Variants in ADD1 observed in about 807,000 individuals in gnomAD.
The protein encoded by ADD1 is adducin 1.
ADD1 carries 24 observed loss-of-function variants against 80.5 expected under a neutral mutation model. The observed-to-expected ratio is 0.30, with a 90% CI of 0.22 to 0.42. The LOEUF (loss-of-function observed/expected upper bound fraction) is 0.42. Among genes scored for constraint, ADD1 ranks in the 10% least tolerant of loss-of-function variants. The probability of loss-of-function intolerance (pLI) is 1.00; values close to 1 mark genes in which losing one functional copy is unlikely to be tolerated. For synonymous variants in ADD1, 373 were observed against 393.8 expected, an observed-to-expected ratio of 0.95 and a Z score of 0.63; for missense variants, 948 against 1,019.0, an observed-to-expected ratio of 0.93 and a Z score of 0.95.
chr4:2,919,730 C>A (rs1739679459), intron 14 of ADD1, among the ~76,000 whole-genome samples: 1 of 151,650 alleles, frequency 6.6e-6, no homozygotes, highest in Non-Finnish European at 1.5e-5. Flanking sequence ...TCTCTCTTTT[C>A]TTTTTTATTA....
chr4:2,929,728 CA>C lies in ADD1; in HGVS notation c.*1206del, dbSNP rs1712706033. Reference sequence around the variant, plus strand: ...GCCACCTCGGATCCCACTGATTGGCCAGCCGAGCGAGAACCAGGCTGCTGCA... The same window carrying C: ...GCCACCTCGGATCCCACTGATTGGCCGCCGAGCGAGAACCAGGCTGCTGCA... On this transcript the variant is annotated 3_prime_UTR_variant, in exon 16 of 16. Transcript: ENST00000683351. The C allele has an allele frequency of 6.6e-6, 1 of 152,394 alleles. No individual in the cohort carries two copies. The highest frequency in any genetic ancestry group is 2.1e-4 in the South Asian group (1 of 4,828). The allele number at this position is 152,394 out of a possible 1,614,324, so 9.4% of individuals were successfully genotyped here.
chr4:2,850,032 T>C (rs1726827903), intron 1 of ADD1, among the ~76,000 whole-genome samples: 1 of 152,238 alleles, frequency 6.6e-6, no homozygotes, highest in Non-Finnish European at 1.5e-5. Context: ...AGCAGCATTA[T>C]GTTTAACAGA....
Position 2,926,595 on chromosome 4 carries a change from G to C in ADD1, c.2047+483G>C. 1.2e-6 allele frequency: 2 copies of C among 1,608,852 alleles called. No homozygotes were observed. Among genetic ancestry groups the C allele is most frequent in the East Asian group, 2.2e-5 (1 of 44,772 alleles). On this transcript the variant is annotated intron_variant, in intron 15 of 15. Transcript: ENST00000683351. This position sits in a 1 kb window ranked among gnomAD's most constrained non-coding sequence, Gnocchi z 5.0. ...CCTGATGGCTGTGACTGAATGCATA[G>C]ATTCTCTCCTTGTGCTTTTTTCTCC...
At chr4:2,871,303 A>G (rs1186056254) in intron 1 of ADD1, among the ~76,000 whole-genome samples, 1 of 152,158 alleles carries the variant, frequency 6.6e-6, no homozygotes, top group East Asian at 1.9e-4. Context: ...GGCACATGCC[A>G]TCCAATTTAC....
Position 2,852,278 on chromosome 4 carries a change from C to CTTCTTTTCTT in ADD1, c.-21+8277_-21+8286dup, listed in dbSNP as rs58878174. Among the ~76,000 whole-genome samples the CTTCTTTTCTT allele has an allele frequency of 1.5e-4, 17 of 111,328 alleles. 1 individual carries two copies. Among genetic ancestry groups the CTTCTTTTCTT allele is most frequent in the African/African-American group, 5.6e-4 (16 of 28,578 alleles). 73.0% of individuals were successfully genotyped at this position (111,328 alleles called of 152,430 possible). The stretch of plus-strand genomic sequence containing the variant: ...CTTTCTTTCCTTCCTTCCTTCCTTC[C>CTTCTTTTCTT]TTCTTTTCTTTTCTTTTCTTTTCTT... On this transcript the variant is annotated intron_variant, in intron 1 of 15. Coordinates refer to ENST00000683351, the MANE Select transcript of ADD1 (RefSeq NM_001354761.2).
At chr4:2,872,274 A>G (rs777744408) in intron 1 of ADD1, among the ~76,000 whole-genome samples, 20 of 152,228 alleles carry the variant, frequency 1.3e-4, no homozygotes, top group East Asian at 9.6e-4. Flanking sequence ...AGCTATCAAT[A>G]TATTGTTGAT....
intron 1 of ADD1, chr4:2,844,809 A>G (rs1341616092): frequency 1.3e-5 from 2 of 152,282 alleles, no homozygotes; most frequent in Middle Eastern, 3.2e-3. Flanking sequence ...GACCAAAGAC[A>G]TAGCTGATAG....
intron 2 of ADD1, among the ~76,000 whole-genome samples, chr4:2,878,125 T>C (rs975678809): frequency 2.0e-5 from 3 of 152,192 alleles, no homozygotes; most frequent in Non-Finnish European, 4.4e-5. Context: ...GAGCAGATCC[T>C]GGAAGGCTGT....
chr4:2,926,001 T>C lies in ADD1; in HGVS notation c.1949-13T>C, dbSNP rs1477238851. Reference sequence around the variant, plus strand: ...TCCACAGCTCCTACCATATCCTTCTTGCTTCTCTGCAGAGAATCTGGACGA... The same window carrying C: ...TCCACAGCTCCTACCATATCCTTCTCGCTTCTCTGCAGAGAATCTGGACGA... On this transcript the variant is annotated splice_polypyrimidine_tract_variant and intron_variant, in intron 14 of 15. Coordinates refer to ENST00000683351, the MANE Select transcript of ADD1 (RefSeq NM_001354761.2). The surrounding 1 kb of genome is among the most constrained non-coding windows in gnomAD (Gnocchi z 5.0). 6.2e-7 allele frequency: 1 copy of C among 1,612,558 alleles called. No individual in the cohort carries two copies. Among genetic ancestry groups the C allele is most frequent in the Admixed American group, 1.7e-5 (1 of 59,976 alleles).
At position 2,844,182 on chromosome 4, in the gene ADD1, G is replaced by A. The variant is rs546510232; in HGVS notation, c.-21+158G>A. On this transcript the variant is annotated intron_variant, in intron 1 of 15. Coordinates refer to ENST00000683351, the MANE Select transcript of ADD1 (RefSeq NM_001354761.2). Reference sequence around the variant, plus strand: ...GGGAGGCCGCTGCGGCGCCGAGGGCGTCTTGGAGGGGTCCCCGCGGGGCCT... The same window carrying A: ...GGGAGGCCGCTGCGGCGCCGAGGGCATCTTGGAGGGGTCCCCGCGGGGCCT... The A allele has an allele frequency of 1.7e-3, 253 of 151,698 alleles. 1 individual carries two copies. Among genetic ancestry groups the A allele is most frequent in the African/African-American group, 5.5e-3 (226 of 41,388 alleles). 9.4% of individuals were successfully genotyped at this position (151,698 alleles called of 1,614,324 possible).
chr4:2,865,727 C>A (rs1204933866), intron 1 of ADD1, among the ~76,000 whole-genome samples: 3 of 152,134 alleles, frequency 2.0e-5, no homozygotes, highest in African/African-American at 7.2e-5. Flanking sequence ...CCTTACTTAG[C>A]AAACCACCCT....
chr4:2,847,771 C>T (rs183300349), intron 1 of ADD1, among the ~76,000 whole-genome samples: 37 of 152,078 alleles, frequency 2.4e-4, no homozygotes, highest in Non-Finnish European at 4.0e-4. Context: ...TCCAGAACGG[C>T]GGGGACAGCT....
At chr4:2,910,564 G>A (rs1737854747) in intron 13 of ADD1, among the ~76,000 whole-genome samples, 1 of 152,150 alleles carries the variant, frequency 6.6e-6, no homozygotes, top group Admixed American at 6.5e-5. Flanking sequence ...TCTCTCAGGT[G>A]TGTGAGGGCT....
intron 1 of ADD1, among the ~76,000 whole-genome samples, chr4:2,866,672 G>C (rs968816742): frequency 6.6e-6 from 1 of 152,158 alleles, no homozygotes; most frequent in African/African-American, 2.4e-5. Context: ...AGCTCTTCCC[G>C]TGTTTACATT....
intron 4 of ADD1, among the ~76,000 whole-genome samples, chr4:2,885,459 C>G (rs767370283): frequency 3.9e-4 from 60 of 152,192 alleles, no homozygotes; most frequent in Non-Finnish European, 6.9e-4. Flanking sequence ...TGACCTCCTT[C>G]TTCCACCAAA....
rs1206404846 is a variant in ADD1, at chr4:2,865,439, T to A, written c.-20-10457T>A. Among the ~76,000 whole-genome samples the A allele has an allele frequency of 4.6e-5, 7 of 152,328 alleles. No homozygotes were observed. The South Asian group carries it at 6.2e-4, about 14-fold the overall frequency. ...AATGAAGTATCTCATGTCTCAGCCTTTGCGTGTACAGAATAAATACGTTTT... is the reference window on the plus strand; with the variant it reads ...AATGAAGTATCTCATGTCTCAGCCTATGCGTGTACAGAATAAATACGTTTT... On this transcript the variant is annotated intron_variant, in intron 1 of 15. Transcript: ENST00000683351.
chr4:2,898,603 G>A (rs766426111), intron 8 of ADD1, 72 bp downstream of exon 8: 1 of 1,295,658 alleles, frequency 7.7e-7, no homozygotes, highest in African/African-American at 1.5e-5. Flanking sequence ...ATTTTTTTTT[G>A]ATACTTATCG....
chr4:2,852,251 T>TTCTTTCTTTC (rs1577419844), intron 1 of ADD1, among the ~76,000 whole-genome samples: 4 of 136,332 alleles, frequency 2.9e-5, no homozygotes, highest in South Asian at 4.5e-4. Flanking sequence ...TTCTTTCTCT[T>TTCTTTCTTTC]TCTTTCTTTC....
rs1711663371 is a variant in ADD1, at chr4:2,926,515, C to T, written c.2047+403C>T. On this transcript the variant is annotated intron_variant, in intron 15 of 15. Transcript: ENST00000683351. The surrounding 1 kb of genome is among the most constrained non-coding windows in gnomAD (Gnocchi z 5.0). ...TGATCCCGGGTGTCTGTCCCTCGGT[C>T]TCGTACATCCATGTCTCTCGTGAAG... 3.0e-6 allele frequency: 3 copies of T among 1,006,936 alleles called. No homozygotes were observed. Among genetic ancestry groups the T allele is most frequent in the Non-Finnish European group, 4.6e-6 (3 of 659,068 alleles). 62.4% of individuals were successfully genotyped at this position (1,006,936 alleles called of 1,614,324 possible).
Sources: allele counts gnomAD v4.1 joint callset (sites outside exome capture counted in the v4.1 genomes callset), GRCh38; gene constraint gnomAD v4.1.1; non-coding constraint Gnocchi (gnomAD v3.1); transcripts MANE v1.5; gene names NCBI Gene and HGNC (gene_info 2026-07-23, HGNC 2026-07-21).